Variants in HYDIN observed in about 807,000 individuals in gnomAD.
The protein encoded by HYDIN is axonemal central pair apparatus protein HYDIN.
HYDIN carries 132 observed loss-of-function variants against 403.9 expected under a neutral mutation model. That is an observed-to-expected ratio of 0.33 (90% confidence interval 0.28 to 0.38). HYDIN has a LOEUF of 0.38. HYDIN is among the 10% of genes least tolerant of loss of function. The probability of loss-of-function intolerance (pLI) is 1.00; values close to 1 mark genes in which losing one functional copy is unlikely to be tolerated. For synonymous variants in HYDIN, 1,202 were observed against 1,891.7 expected (o/e 0.64, Z 9.46); for missense variants, 2,827 against 5,009.5 (o/e 0.56, Z 13.15).
intron 23 of HYDIN, among the ~76,000 whole-genome samples, chr16:70,997,792 T>C (rs1021393435): frequency 1.3e-5 from 2 of 151,898 alleles, no homozygotes; most frequent in Non-Finnish European, 2.9e-5. Flanking sequence ...TAACATTTGT[T>C]GAATGAAATT....
rs775032500 is a variant in HYDIN, at chr16:70,860,205, T to A, written c.11992A>T (p.Thr3998Ser). 3.7e-6 allele frequency: 6 copies of A among 1,613,100 alleles called. No individual in the cohort carries two copies. The highest frequency in any genetic ancestry group is 5.1e-6 in the Non-Finnish European group (6 of 1,179,742). Reference sequence around the variant, plus strand: ...TTGGTTGGGTTTAGGATGGTAAAGGTCCTGGCCAGGGTGGAGAGAATTGAC... The same window carrying A: ...TTGGTTGGGTTTAGGATGGTAAAGGACCTGGCCAGGGTGGAGAGAATTGAC... ...TVGIGGKNLR[T>S]FTILNPTNST... is the part of the protein sequence containing the mutation. The change falls in exon 71 of 86, where the codon ACC becomes TCC. Residue 3998 changes from threonine to serine, a missense_variant and splice_region_variant. Thr to Ser is a moderately conservative substitution (Grantham distance 58, BLOSUM62 1). Transcript: ENST00000393567.
intron 21 of HYDIN, among the ~76,000 whole-genome samples, chr16:71,021,142 A>G (rs1316043966): frequency 7.2e-5 from 11 of 151,818 alleles, no homozygotes; most frequent in Admixed American, 4.6e-4. Flanking sequence ...TATTTCCTGT[A>G]AACTTTTCCT....
rs2144382381 is a variant in HYDIN, at chr16:71,093,887, G to A, written c.1376C>T (p.Pro459Leu). ...PLRIKGEGMG[P>L]KIHFNFELLD... ...CAATTCAAAGTTGAAGTGAATCTTA[G>A]GTCCCATGCCTTCCCCTTTGATTCG... The change falls in exon 11 of 86, where the codon CCT (proline) becomes CTT (leucine). Residue 459 changes from proline (P) to leucine (L), a missense_variant. Transcript: ENST00000393567. The A allele has an allele frequency of 6.2e-7, 1 of 1,613,608 alleles. No homozygotes were observed. Among genetic ancestry groups the A allele is most frequent in the African/African-American group, 1.3e-5 (1 of 74,978 alleles).
intron 18 of HYDIN, among the ~76,000 whole-genome samples, chr16:71,048,677 A>G (rs1221314672): frequency 3.3e-5 from 5 of 152,052 alleles, no homozygotes; most frequent in Non-Finnish European, 7.4e-5. Flanking sequence ...TTGAGTACGC[A>G]TAGACACAAA....
At chr16:71,207,074 G>A (rs918638275) in intron 1 of HYDIN, among the ~76,000 whole-genome samples, 4 of 152,002 alleles carry the variant, frequency 2.6e-5, no homozygotes, top group Non-Finnish European at 5.9e-5. Flanking sequence ...AAAATGCAGA[G>A]AACCTCCAAA....
At chr16:71,032,785 C>T (rs1265185986) in intron 18 of HYDIN, among the ~76,000 whole-genome samples, 3 of 68,198 alleles carry the variant, frequency 4.4e-5, no homozygotes, top group African/African-American at 1.6e-4. Context: ...ATTTTTGATG[C>T]TTTCTTTTGA....
At chr16:70,809,695 C>T (rs2035336406) in intron 85 of HYDIN, 88 bp downstream of exon 85, 1 of 1,063,804 alleles carries the variant, frequency 9.4e-7, no homozygotes, top group Non-Finnish European at 1.4e-6. Flanking sequence ...CTGAGTCTCA[C>T]ATTCATGCTC....
intron 5 of HYDIN, among the ~76,000 whole-genome samples, chr16:71,175,284 CCCA>C (rs2086626073): frequency 6.6e-6 from 1 of 151,958 alleles, no homozygotes. Context: ...CCCACCACTA[CCCA>C]CCAACACTAC....
rs2078668914 is a variant in HYDIN, at chr16:70,969,167, G to T, written c.5619+1353C>A. On this transcript the variant is annotated intron_variant, in intron 36 of 85. Transcript: ENST00000393567. ...AAAACTGTAACAAAACAAAATATGA[G>T]TGTCATTTGAGCCCTGGAAGGAGAG... 2.6e-5 allele frequency among the ~76,000 whole-genome samples: 4 copies of T among 151,822 alleles called. No individual in the cohort carries two copies. The South Asian group carries it at 8.3e-4, about 32-fold the overall frequency.
At chr16:71,102,883 CAGAA>C (rs1397481843) in intron 10 of HYDIN, among the ~76,000 whole-genome samples, 2 of 146,554 alleles carry the variant, frequency 1.4e-5, no homozygotes, top group Non-Finnish European at 3.0e-5. Context: ...TACAGCTGTG[CAGAA>C]AGAAAATGTA....
At chr16:70,953,427 C>T (rs1047218952) in intron 40 of HYDIN, among the ~76,000 whole-genome samples, 2 of 151,976 alleles carry the variant, frequency 1.3e-5, no homozygotes, top group African/African-American at 4.8e-5. Context: ...AGGAAGGCTC[C>T]CTGTCCAGCA....
chr16:71,051,880 A>C (rs2144235419), intron 18 of HYDIN, among the ~76,000 whole-genome samples: 1 of 152,348 alleles, frequency 6.6e-6, no homozygotes, highest in South Asian at 2.1e-4. Flanking sequence ...GAAAGCTGAC[A>C]CAAGAAAATT....
At chr16:70,925,544 G>T (rs2077126353) in intron 45 of HYDIN, among the ~76,000 whole-genome samples, 1 of 152,146 alleles carries the variant, frequency 6.6e-6, no homozygotes. Flanking sequence ...CAGGACATAG[G>T]CATGGGCAAG....
chr16:71,172,666 A>T (rs2086514398), intron 5 of HYDIN, among the ~76,000 whole-genome samples: 1 of 152,182 alleles, frequency 6.6e-6, no homozygotes, highest in Non-Finnish European at 1.5e-5. Flanking sequence ...TGTAAATTGC[A>T]TTATCATCTT....
chr16:71,200,022 C>A lies in HYDIN; in HGVS notation c.-23-13104G>T, dbSNP rs555254499. ...AATAAAACAGTTTGCAGTAAAGAAG[C>A]CGGCTAAAGCCCACCAAAACCAAGA... On this transcript the variant is annotated intron_variant, in intron 1 of 85. Coordinates refer to ENST00000393567, the MANE Select transcript of HYDIN (RefSeq NM_001270974.2). Among the ~76,000 whole-genome samples, 17 of 152,246 alleles carry A rather than the reference C, an allele frequency of 1.1e-4. No homozygotes were observed. In the South Asian group the frequency reaches 3.3e-3, roughly 30 times the overall value.
At chr16:70,829,997 G>A (rs572334905) in intron 80 of HYDIN, among the ~76,000 whole-genome samples, 167 bp from the exon 81 acceptor site, 1 of 152,030 alleles carries the variant, frequency 6.6e-6, no homozygotes, top group South Asian at 2.1e-4. Context: ...ACATACTTAC[G>A]GGTACCTTCT....
chr16:71,225,076 G>A (rs1598073950), intron 1 of HYDIN, among the ~76,000 whole-genome samples: 1 of 152,152 alleles, frequency 6.6e-6, no homozygotes. Flanking sequence ...CTGGCAAGAC[G>A]AACAGGAACC....
intron 23 of HYDIN, among the ~76,000 whole-genome samples, chr16:71,017,460 A>G (rs1281004703): frequency 6.6e-6 from 1 of 152,080 alleles, no homozygotes; most frequent in Non-Finnish European, 1.5e-5. Context: ...ATGATTGTAA[A>G]TTTCCTGAGG....
intron 12 of HYDIN, among the ~76,000 whole-genome samples, chr16:71,084,824 G>T (rs571984440): frequency 6.8e-6 from 1 of 146,806 alleles, no homozygotes; most frequent in African/African-American, 2.6e-5. Context: ...CTAAATTTTG[G>T]TAAATGCTTT....
Sources: gnomAD v4.1 joint callset for allele counts (sites outside exome capture counted in the v4.1 genomes callset) on GRCh38, gnomAD v4.1.1 for gene constraint, MANE v1.5 for transcripts, NCBI Gene and HGNC (gene_info 2026-07-23, HGNC 2026-07-21) for gene names.